The following GASK1A variants were observed in gnomAD, a reference collection of about 807,000 sequenced individuals.
GASK1A encodes Golgi-associated kinase 1A.
A neutral mutation model predicts 41.2 loss-of-function variants in GASK1A; 40 were observed. That is an observed-to-expected ratio of 0.97 (90% confidence interval 0.75 to 1.27). The LOEUF (loss-of-function observed/expected upper bound fraction) is 1.27. Ranked by LOEUF, GASK1A falls within the 50% of genes most tolerant of loss-of-function variation. The pLI is 0.00. For synonymous variants in GASK1A, 316 were observed against 307.1 expected, an observed-to-expected ratio of 1.03 and a Z score of -0.30; for missense variants, 678 against 745.1, an observed-to-expected ratio of 0.91 and a Z score of 1.05.
At chr3:43,015,052 G>C (rs1467006337) in intron 1 of GASK1A, among the ~76,000 whole-genome samples, 2 of 152,020 alleles carry the variant, frequency 1.3e-5, no homozygotes. Context: ...GAAGTCACAG[G>C]AAGTGGCTGT....
At chr3:43,000,976 T>C (rs1013328874) in intron 1 of GASK1A, among the ~76,000 whole-genome samples, 2 of 152,206 alleles carry the variant, frequency 1.3e-5, no homozygotes, top group African/African-American at 4.8e-5. Context: ...TATGGCACCA[T>C]CATGAACTGG....
chr3:43,020,805 G>T lies in GASK1A; in HGVS notation c.4-11462G>T, dbSNP rs188865573. Among the ~76,000 whole-genome samples, 641 of 152,274 alleles carry T rather than the reference G, an allele frequency of 4.2e-3. 9 individuals are homozygous for T. Among genetic ancestry groups the T allele is most frequent in the African/African-American group, 0.015 (620 of 41,558 alleles). On this transcript the variant is annotated intron_variant, in intron 1 of 4. Transcript: ENST00000430121. ...ACGGTGAGGACAGATTTGCAAGGAG[G>T]CAAGCCAAACCACACAAACACATTT...
chr3:43,032,399 C>G lies in GASK1A; in HGVS notation c.136C>G (p.Pro46Ala). Reference protein sequence around the residue: ...QRPSAGPDPGPMEPQGVTGAP... With the variant: ...QRPSAGPDPGAMEPQGVTGAP... ...TCCATCCGCCGGCCCAGACCCTGGT[C>G]CCATGGAGCCTCAGGGGGTAACTGG... Residue 46 changes from proline (P) to alanine (A), a missense_variant, in exon 2 of 5, where the codon CCC becomes GCC. Pro to Ala is a conservative substitution (Grantham distance 27). Transcript: ENST00000430121. The G allele has an allele frequency of 6.4e-7, 1 of 1,551,584 alleles. No individual in the cohort carries two copies. The highest frequency in any genetic ancestry group is 8.7e-7 in the Non-Finnish European group (1 of 1,146,898).
chr3:43,006,276 C>T (rs1354658571), intron 1 of GASK1A, among the ~76,000 whole-genome samples: 3 of 152,172 alleles, frequency 2.0e-5, no homozygotes, highest in Non-Finnish European at 4.4e-5. Flanking sequence ...CTCTTTGCCT[C>T]TCTTGTTTTG....
At position 43,055,484 on chromosome 3, in the gene GASK1A, T is replaced by G. The variant is rs932772808; in HGVS notation, c.1466T>G (p.Leu489Arg). 3.9e-5 allele frequency: 61 copies of G among 1,551,798 alleles called. No homozygotes were observed. Among genetic ancestry groups the G allele is most frequent in the Non-Finnish European group, 5.2e-5 (60 of 1,147,028 alleles). The part of the protein sequence containing the change: ...HLVYIDNAGN[L>R]QHPEDKLNFR... Reference sequence around the variant, plus strand: ...GTCTACATCGATAACGCTGGCAACCTTCAGCACCCTGAGGACAAGCTGAAC... The same window carrying G: ...GTCTACATCGATAACGCTGGCAACCGTCAGCACCCTGAGGACAAGCTGAAC... Residue 489 changes from leucine (L) to arginine (R), a missense_variant, in exon 4 of 5, where the codon CTT becomes CGT. Transcript: ENST00000430121.
chr3:43,042,999 C>A (rs2089645409), intron 2 of GASK1A, among the ~76,000 whole-genome samples: 2 of 152,174 alleles, frequency 1.3e-5, no homozygotes, highest in South Asian at 2.1e-4. Flanking sequence ...TCTGACCACC[C>A]CAAAGCCTCA....
chr3:43,045,975 G>A (rs967939573), intron 2 of GASK1A, among the ~76,000 whole-genome samples: 1 of 152,200 alleles, frequency 6.6e-6, no homozygotes, highest in Non-Finnish European at 1.5e-5. Flanking sequence ...GCAGAACAAT[G>A]AGTCAATTAA....
intron 3 of GASK1A, among the ~76,000 whole-genome samples, chr3:43,054,548 AAGG>A (rs1209874762): frequency 6.6e-6 from 1 of 152,176 alleles, no homozygotes; most frequent in Non-Finnish European, 1.5e-5. Flanking sequence ...TGGGGTGAGA[AAGG>A]AGAAGAGGCA....
At chr3:42,992,094 C>T (rs2089344253) in intron 1 of GASK1A, among the ~76,000 whole-genome samples, 1 of 151,572 alleles carries the variant, frequency 6.6e-6, no homozygotes. Context: ...AAAATCCCCT[C>T]ATCTCCCTTT....
At chr3:43,025,757 G>C (rs1424372306) in intron 1 of GASK1A, among the ~76,000 whole-genome samples, 1 of 152,182 alleles carries the variant, frequency 6.6e-6, no homozygotes, top group Non-Finnish European at 1.5e-5. Context: ...GGGCTGATTA[G>C]TCACTGCATT....
At chr3:43,009,470 C>T (rs1326315155) in intron 1 of GASK1A, among the ~76,000 whole-genome samples, 3 of 152,204 alleles carry the variant, frequency 2.0e-5, no homozygotes, top group African/African-American at 7.2e-5. Flanking sequence ...GCCCTGAAGT[C>T]CCCAGGGCCA....
chr3:43,019,809 C>T (rs2089512635), intron 1 of GASK1A, among the ~76,000 whole-genome samples: 1 of 152,050 alleles, frequency 6.6e-6, no homozygotes. Context: ...TGGCTTCCCT[C>T]TACCCCTTCT....
chr3:43,032,180 C>T, intron 1 of GASK1A, 87 bp from the exon 2 acceptor site: 1 of 1,076,312 alleles, frequency 9.3e-7, no homozygotes, highest in Non-Finnish European at 1.3e-6. Context: ...AACTGAGCAC[C>T]TCATTTGCTT....
intron 1 of GASK1A, among the ~76,000 whole-genome samples, chr3:43,021,166 C>A (rs1180171393): frequency 1.3e-5 from 2 of 152,160 alleles, no homozygotes; most frequent in Non-Finnish European, 2.9e-5. Flanking sequence ...GCAGAACTCT[C>A]CTGGCTTCCC....
chr3:43,014,651 G>A lies in GASK1A; in HGVS notation c.4-17616G>A, dbSNP rs183528211. On this transcript the variant is annotated intron_variant, in intron 1 of 4. Transcript: ENST00000430121. Reference sequence around the variant, plus strand: ...GGGAAGTCAGAATGAGTGGCTATGGGAAGTCACAAGAAGTGGCCATGTGAA... The same window carrying A: ...GGGAAGTCAGAATGAGTGGCTATGGAAAGTCACAAGAAGTGGCCATGTGAA... 6.6e-5 allele frequency among the ~76,000 whole-genome samples: 10 copies of A among 152,176 alleles called. No homozygotes were observed. In the East Asian group the frequency reaches 1.9e-3, roughly 30 times the overall value.
intron 1 of GASK1A, among the ~76,000 whole-genome samples, chr3:42,999,571 C>T (rs1395425266): frequency 6.6e-6 from 1 of 152,210 alleles, no homozygotes; most frequent in Non-Finnish European, 1.5e-5. Flanking sequence ...TTCTTGGCCC[C>T]CCTTGTTGCC....
chr3:42,982,392 C>T (rs921052973), intron 1 of GASK1A, among the ~76,000 whole-genome samples: 1 of 152,136 alleles, frequency 6.6e-6, no homozygotes, highest in Admixed American at 6.5e-5. Flanking sequence ...TCTACAGGAA[C>T]CATGATTATC....
intron 1 of GASK1A, among the ~76,000 whole-genome samples, chr3:43,031,740 C>T (rs1469939102): frequency 1.3e-5 from 2 of 152,188 alleles, no homozygotes; most frequent in African/African-American, 2.4e-5. Context: ...GGTTGGCTCT[C>T]ATGACATAGT....
intron 1 of GASK1A, among the ~76,000 whole-genome samples, chr3:43,020,190 G>A (rs1383738563): frequency 6.6e-6 from 1 of 152,026 alleles, no homozygotes; most frequent in Non-Finnish European, 1.5e-5. Context: ...AAAGAAGAGT[G>A]TTCCTTTCCC....
Sources: gnomAD v4.1 joint callset for allele counts (sites outside exome capture counted in the v4.1 genomes callset) on GRCh38, gnomAD v4.1.1 for gene constraint, MANE v1.5 for transcripts, NCBI Gene and HGNC (gene_info 2026-07-23, HGNC 2026-07-21) for gene names.